CIT: variants seen among roughly 807,000 people sequenced by gnomAD.
The protein encoded by CIT is citron rho-interacting serine/threonine kinase.
In CIT, 79 loss-of-function variants were observed where a neutral mutation model predicts 272.7. The ratio of observed to expected loss-of-function variants is 0.29; its 90% CI spans 0.24 to 0.35. The LOEUF (loss-of-function observed/expected upper bound fraction) is 0.35, where lower values mean the gene tolerates loss of function less well. Among genes scored for constraint, CIT ranks in the 10% least tolerant of loss-of-function variants. The pLI is 1.00. For missense variants in CIT, 1,909 were observed against 2,618.3 expected, an observed-to-expected ratio of 0.73 and a Z score of 5.91; for synonymous variants, 948 against 995.6, an observed-to-expected ratio of 0.95 and a Z score of 0.90.
At chr12:119,723,758 G>A (rs1277087069) in intron 28 of CIT, among the ~76,000 whole-genome samples, 1 of 152,166 alleles carries the variant, frequency 6.6e-6, no homozygotes, top group Non-Finnish European at 1.5e-5. Context: ...TTAAGAAAAA[G>A]CAAACTTGTG....
At chr12:119,689,976 G>T (rs972188483) in intron 47 of CIT, among the ~76,000 whole-genome samples, 175 bp downstream of exon 47, 1 of 152,166 alleles carries the variant, frequency 6.6e-6, no homozygotes, top group Admixed American at 6.5e-5. Flanking sequence ...ACCACGCCCG[G>T]CCAGGAAGCT....
At chr12:119,775,529 CG>C (rs1228280608) in intron 16 of CIT, among the ~76,000 whole-genome samples, 1 of 152,120 alleles carries the variant, frequency 6.6e-6, no homozygotes, top group African/African-American at 2.4e-5. Flanking sequence ...TGGGTTCTGT[CG>C]TAGTATAATT....
chr12:119,830,624 C>A (rs1428486828), intron 7 of CIT, among the ~76,000 whole-genome samples: 1 of 152,120 alleles, frequency 6.6e-6, no homozygotes, highest in Non-Finnish European at 1.5e-5. Flanking sequence ...TCCCCCAACC[C>A]TCCTACCCCA....
intron 23 of CIT, among the ~76,000 whole-genome samples, chr12:119,750,535 G>A (rs1476084790): frequency 1.3e-5 from 2 of 151,888 alleles, no homozygotes; most frequent in Non-Finnish European, 2.9e-5. Context: ...AGAGACTATG[G>A]AACCTAAATG....
chr12:119,842,969 C>T (rs1030962950), intron 5 of CIT, among the ~76,000 whole-genome samples: 1 of 152,086 alleles, frequency 6.6e-6, no homozygotes, highest in African/African-American at 2.4e-5. Context: ...TGGGACAGAC[C>T]AGCACCCACT....
At chr12:119,698,664 T>C (rs1446878343) in intron 44 of CIT, among the ~76,000 whole-genome samples, 1 of 152,156 alleles carries the variant, frequency 6.6e-6, no homozygotes, top group African/African-American at 2.4e-5. Context: ...AAGGCTCTCT[T>C]TGTACAGATA....
intron 26 of CIT, among the ~76,000 whole-genome samples, 162 bp downstream of exon 26, chr12:119,734,002 T>C (rs1593521335): frequency 6.6e-6 from 1 of 151,926 alleles, no homozygotes. Flanking sequence ...GACCACCCTA[T>C]CCTGGTTTGC....
At chr12:119,780,482 C>A (rs575479165) in intron 13 of CIT, among the ~76,000 whole-genome samples, 2 of 151,734 alleles carry the variant, frequency 1.3e-5, no homozygotes, top group Middle Eastern at 3.2e-3. Flanking sequence ...CTGGGTGTGG[C>A]GGCGTGCACC....
intron 16 of CIT, among the ~76,000 whole-genome samples, chr12:119,775,125 T>G: frequency 6.6e-6 from 1 of 151,578 alleles, no homozygotes; most frequent in Non-Finnish European, 1.5e-5. Flanking sequence ...ATACAAAAAT[T>G]AGCCAGGCGT....
At chr12:119,765,387 A>G (rs1962314485) in intron 19 of CIT, among the ~76,000 whole-genome samples, 2 of 145,546 alleles carry the variant, frequency 1.4e-5, no homozygotes, top group African/African-American at 5.0e-5. Flanking sequence ...TATAATATAT[A>G]TTATAATATA....
chr12:119,799,420 C>G (rs2137842709), intron 10 of CIT, among the ~76,000 whole-genome samples: 1 of 152,256 alleles, frequency 6.6e-6, no homozygotes, highest in Middle Eastern at 3.4e-3. Flanking sequence ...CCCAGTAGAG[C>G]AAGGAAGAGG....
At chr12:119,839,250 T>C (rs1423129783) in intron 5 of CIT, among the ~76,000 whole-genome samples, 1 of 152,196 alleles carries the variant, frequency 6.6e-6, no homozygotes, top group Non-Finnish European at 1.5e-5. Context: ...CACACACACA[T>C]ATACAATGAA....
At position 119,734,298 on chromosome 12, in the gene CIT, C is replaced by A; in HGVS notation, c.3216G>T (p.Glu1072Asp). ...TMLEEQVMDL[E>D]ALNDELLEKE... ...TTTCTAGCAGCTCATCGTTTAGGGCCTCCAAATCCATGACCTGTTCCTCCA... is the reference window on the plus strand; with the variant it reads ...TTTCTAGCAGCTCATCGTTTAGGGCATCCAAATCCATGACCTGTTCCTCCA... The change falls in exon 26 of 48, where the codon GAG becomes GAT. Residue 1072 changes from glutamate to aspartate, a missense_variant. By Grantham distance (45) the Glu-to-Asp change is conservative. Coordinates refer to ENST00000392521, the MANE Select transcript of CIT (RefSeq NM_001206999.2). The A allele has an allele frequency of 6.2e-7, 1 of 1,613,960 alleles. No homozygotes were observed. Among genetic ancestry groups the A allele is most frequent in the South Asian group, 1.1e-5 (1 of 91,064 alleles).
rs1199853249 is a variant in CIT, at chr12:119,843,845, A to T, written c.516+6329T>A. Among the ~76,000 whole-genome samples the T allele has an allele frequency of 2.0e-5, 3 of 152,044 alleles. No individual in the cohort carries two copies. The East Asian group carries it at 5.8e-4, about 29-fold the overall frequency. On this transcript the variant is annotated intron_variant, in intron 5 of 47. Transcript: ENST00000392521. ...AATGTTCAACTGCCAAGGGAGCGTG[A>T]TATGTAAGTTTCCCCAAACTTCAAA...
At chr12:119,704,883 AGGT>A (rs977097700) in intron 40 of CIT, among the ~76,000 whole-genome samples, 3 of 152,176 alleles carry the variant, frequency 2.0e-5, no homozygotes, top group African/African-American at 7.2e-5. Context: ...GGGAGAGGAA[AGGT>A]GGTAGAGACT....
rs1371593049 is a variant in CIT, at chr12:119,784,225, T to C, written c.1402-174A>G. On this transcript the variant is annotated intron_variant, in intron 11 of 47. Coordinates refer to ENST00000392521, the MANE Select transcript of CIT (RefSeq NM_001206999.2). The surrounding 1 kb of genome is among the most constrained non-coding windows in gnomAD (Gnocchi z 4.7). ...CGCCCAGGAGCGCACAGTTCTTCGTTAAGGACAGTCACCAAATGCTAAGTC... is the reference window on the plus strand; with the variant it reads ...CGCCCAGGAGCGCACAGTTCTTCGTCAAGGACAGTCACCAAATGCTAAGTC... 6.3e-7 allele frequency: 1 copy of C among 1,598,780 alleles called. No individual in the cohort carries two copies. The highest frequency in any genetic ancestry group is 8.5e-7 in the Non-Finnish European group (1 of 1,170,904).
intron 10 of CIT, among the ~76,000 whole-genome samples, chr12:119,792,594 G>A (rs189841130): frequency 2.8e-4 from 42 of 151,834 alleles, no homozygotes; most frequent in Admixed American, 1.7e-3. Context: ...CTTGTCCTCC[G>A]GAGTAGTTGG....
In CIT at chr12:119,708,846, G is replaced by A. The variant is rs1821368434; in HGVS notation, c.5072-528C>T. 3.3e-5 allele frequency among the ~76,000 whole-genome samples: 5 copies of A among 152,302 alleles called. No homozygotes were observed. In the South Asian group the frequency reaches 1.0e-3, roughly 32 times the overall value. ...TTGGCCTTTTAGTCAAGATTCTGAG[G>A]AGGGTGGAATTCTGCAGACATAAAA... On this transcript the variant is annotated intron_variant, in intron 39 of 47. Coordinates refer to ENST00000392521, the MANE Select transcript of CIT (RefSeq NM_001206999.2).
At position 119,710,444 on chromosome 12, in the gene CIT, C is replaced by T; in HGVS notation, c.4936-58G>A. On this transcript the variant is annotated intron_variant, in intron 38 of 47. Coordinates refer to ENST00000392521, the MANE Select transcript of CIT (RefSeq NM_001206999.2). This position sits in a 1 kb window ranked among gnomAD's most constrained non-coding sequence, Gnocchi z 5.6. ...AGCACGGTCACGTCACCAGAACAAT[C>T]TCTAGTAAGAGCAACAAGGCCTCCA... 6.2e-7 allele frequency: 1 copy of T among 1,613,146 alleles called. No individual in the cohort carries two copies. Among genetic ancestry groups the T allele is most frequent in the Non-Finnish European group, 8.5e-7 (1 of 1,179,384 alleles).
Sources: allele counts gnomAD v4.1 joint callset (sites outside exome capture counted in the v4.1 genomes callset), GRCh38; gene constraint gnomAD v4.1.1; non-coding constraint Gnocchi (gnomAD v3.1); transcripts MANE v1.5; gene names NCBI Gene and HGNC (gene_info 2026-07-23, HGNC 2026-07-21).